The following HNRNPUL1 variants were observed in gnomAD, a reference collection of about 807,000 sequenced individuals.
HNRNPUL1 encodes the protein heterogeneous nuclear ribonucleoprotein U-like protein 1.
A neutral mutation model predicts 108.5 loss-of-function variants in HNRNPUL1; 14 were observed. The observed-to-expected ratio is 0.13, with a 90% CI of 0.09 to 0.20. HNRNPUL1 has a LOEUF of 0.20. Among genes scored for constraint, HNRNPUL1 ranks in the 10% least tolerant of loss-of-function variants. HNRNPUL1 has a pLI of 1.00. For missense variants in HNRNPUL1, 804 were observed against 1,168.3 expected (o/e 0.69, Z 4.55); for synonymous variants, 422 against 445.2 (o/e 0.95, Z 0.66).
At chr19:41,273,745 C>T (rs928471769) in intron 3 of HNRNPUL1, among the ~76,000 whole-genome samples, 3 of 152,124 alleles carry the variant, frequency 2.0e-5, no homozygotes, top group African/African-American at 7.2e-5. Flanking sequence ...GATTCTGATG[C>T]CCCCCTTCAG....
rs1210473646 is a variant in HNRNPUL1, at chr19:41,304,169, C to T, written c.2170C>T (p.Pro724Ser). The change falls in exon 13 of 15, where the codon CCA becomes TCA. Residue 724 changes from proline to serine, a missense_variant. This residue lies in a region of HNRNPUL1 where 294 missense variants were observed against 388.3 expected (regional missense o/e 0.76). Transcript: ENST00000392006. ...CAGCTACAGCCCTGCTCGGAACCCCCCAGGGGCCAGCACCTACAATAAGAA... is the reference window on the plus strand; with the variant it reads ...CAGCTACAGCCCTGCTCGGAACCCCTCAGGGGCCAGCACCTACAATAAGAA... The part of the protein sequence containing the change: ...PPSYSPARNP[P>S]GASTYNKNSN... 5 of 1,614,050 alleles carry T rather than the reference C, an allele frequency of 3.1e-6. No homozygotes were observed. The highest frequency in any genetic ancestry group is 4.2e-6 in the Non-Finnish European group (5 of 1,180,030).
In HNRNPUL1 at chr19:41,292,442, C is replaced by T; in HGVS notation, c.1197C>T (p.Phe399=). The T allele has an allele frequency of 6.2e-7, 1 of 1,614,196 alleles. No homozygotes were observed. ...PYCSVLPGFT[F]IQHLPLSERI... The stretch of plus-strand genomic sequence containing the variant: ...GTTCTGTCCTCCCGGGGTTTACCTT[C>T]ATCCAGCACCTTCCCCTTAGTGAGC... The change falls in exon 8 of 15, where the codon TTC becomes TTT. Residue 399 remains phenylalanine (F), a synonymous_variant. Coordinates refer to ENST00000392006, the MANE Select transcript of HNRNPUL1 (RefSeq NM_007040.6). This position sits in a 1 kb window ranked among gnomAD's most constrained non-coding sequence, Gnocchi z 4.1.
chr19:41,265,424 T>C (rs1006213346), intron 1 of HNRNPUL1: 33 of 1,438,386 alleles, frequency 2.3e-5, no homozygotes, highest in Non-Finnish European at 2.9e-5. Context: ...CTTTGGAGTT[T>C]GGCTAGTGAG....
At chr19:41,269,105 A>G (rs559521873) in intron 2 of HNRNPUL1, among the ~76,000 whole-genome samples, 35 of 151,972 alleles carry the variant, frequency 2.3e-4, no homozygotes, top group Admixed American at 4.6e-4. Context: ...TTGGAAATTC[A>G]CTGTGCTTGT....
At chr19:41,271,948 C>T in intron 2 of HNRNPUL1, 134 bp from the exon 3 acceptor site, 2 of 978,358 alleles carry the variant, frequency 2.0e-6, no homozygotes, top group South Asian at 3.4e-5. Context: ...TTGAACTCAG[C>T]AAGCTGCCTG....
rs1568463162 is a variant in HNRNPUL1 at position 41,305,709 on chromosome 19, G to A, written c.2296G>A (p.Gly766Ser). ...SYSQPPYNQGGYSQGYTAPPP... is the reference protein window; with the variant it reads ...SYSQPPYNQGSYSQGYTAPPP... ...CAGCCAGCCACCCTACAACCAGGGAGGTTACAGCCAGGGCTACACAGCCCC... is the reference window on the plus strand; with the variant it reads ...CAGCCAGCCACCCTACAACCAGGGAAGTTACAGCCAGGGCTACACAGCCCC... The change falls in exon 14 of 15, where the codon GGT (glycine) becomes AGT (serine). Residue 766 changes from glycine to serine, a missense_variant. Physicochemically the swap from Gly to Ser is moderately conservative, Grantham distance 56. Transcript: ENST00000392006. 2 of 1,614,164 alleles carry A rather than the reference G, an allele frequency of 1.2e-6. No homozygotes were observed. Among genetic ancestry groups the A allele is most frequent in the Non-Finnish European group, 1.7e-6 (2 of 1,180,012 alleles).
intron 2 of HNRNPUL1, 125 bp downstream of exon 2, chr19:41,268,470 C>A: frequency 1.0e-6 from 1 of 978,976 alleles, no homozygotes; most frequent in Non-Finnish European, 1.5e-6. Context: ...TTCATCTAAA[C>A]ATTGTCACTC....
At chr19:41,281,391 T>C in intron 7 of HNRNPUL1, 116 bp downstream of exon 7, 1 of 668,338 alleles carries the variant, frequency 1.5e-6, no homozygotes, top group Non-Finnish European at 2.7e-6. Flanking sequence ...GCCATACTTC[T>C]TTGTCTCTGC....
At chr19:41,283,868 C>T (rs1264892783) in intron 7 of HNRNPUL1, among the ~76,000 whole-genome samples, 1 of 152,196 alleles carries the variant, frequency 6.6e-6, no homozygotes, top group Non-Finnish European at 1.5e-5. Context: ...CCTGGGATTA[C>T]AGGTGTGAGC....
At chr19:41,299,789 C>A (rs1401205767) in intron 10 of HNRNPUL1, among the ~76,000 whole-genome samples, 1 of 151,944 alleles carries the variant, frequency 6.6e-6, no homozygotes, top group African/African-American at 2.4e-5. Context: ...ACTGTTCCTG[C>A]TTTTCTGCTT....
At chr19:41,267,876 C>T (rs1372272537) in intron 1 of HNRNPUL1, among the ~76,000 whole-genome samples, 1 of 152,226 alleles carries the variant, frequency 6.6e-6, no homozygotes, top group Non-Finnish European at 1.5e-5. Flanking sequence ...CCATTCTCAT[C>T]ACTGAGTCAT....
At chr19:41,291,851 C>G in intron 7 of HNRNPUL1, 3 of 186,854 alleles carry the variant, frequency 1.6e-5, no homozygotes, top group Admixed American at 5.4e-5. Flanking sequence ...AGGTGTGGAA[C>G]ATGCCTGTAG....
chr19:41,270,461 T>C (rs904993251), intron 2 of HNRNPUL1, among the ~76,000 whole-genome samples: 5 of 150,960 alleles, frequency 3.3e-5, no homozygotes, highest in African/African-American at 1.2e-4. Context: ...CTGGTGTTGC[T>C]GAAAATATTT....
Position 41,272,167 on chromosome 19 carries a change from C to T in HNRNPUL1, c.504C>T (p.Phe168=). The T allele has an allele frequency of 6.2e-7, 1 of 1,614,120 alleles. No individual in the cohort carries two copies. The highest frequency in any genetic ancestry group is 8.5e-7 in the Non-Finnish European group (1 of 1,180,014). Reference sequence around the variant, plus strand: ...AACTCAAGCCAGACAGGCAGCAATTCCAGAGTCGAAAGAGGCCTTATGAAG... The same window carrying T: ...AACTCAAGCCAGACAGGCAGCAATTTCAGAGTCGAAAGAGGCCTTATGAAG... The part of the protein sequence containing the change: ...ASQLKPDRQQ[F]QSRKRPYEEN... The change falls in exon 3 of 15, where the codon TTC becomes TTT. Residue 168 remains phenylalanine (F), a synonymous_variant. Transcript: ENST00000392006.
chr19:41,302,636 T>C (rs761223617), intron 11 of HNRNPUL1, 29 bp from the exon 12 acceptor site: 2 of 1,614,074 alleles, frequency 1.2e-6, no homozygotes, highest in Non-Finnish European at 1.7e-6. Flanking sequence ...CTTCTTCTTG[T>C]TCTCTTTGGG....
chr19:41,306,212 T>C (rs978179611), intron 14 of HNRNPUL1, among the ~76,000 whole-genome samples: 4 of 152,182 alleles, frequency 2.6e-5, no homozygotes, highest in Admixed American at 1.3e-4. Context: ...TTGACTATGA[T>C]ATCTAGCTAT....
chr19:41,291,036 A>C (rs879804542), intron 7 of HNRNPUL1, among the ~76,000 whole-genome samples: 1 of 152,220 alleles, frequency 6.6e-6, no homozygotes, highest in Non-Finnish European at 1.5e-5. Context: ...ACAAGAGTGA[A>C]ATTCCGTCTC....
chr19:41,263,788 G>A (rs939157837), upstream of HNRNPUL1, among the ~76,000 whole-genome samples: 1 of 152,196 alleles, frequency 6.6e-6, no homozygotes, highest in Non-Finnish European at 1.5e-5. Context: ...AGTGAGCTAA[G>A]ACAATAACTG....
chr19:41,301,546 A>G lies in HNRNPUL1; in HGVS notation c.1529A>G (p.Tyr510Cys). 1 of 1,611,364 alleles carries G rather than the reference A, an allele frequency of 6.2e-7. No homozygotes were observed. Among genetic ancestry groups the G allele is most frequent in the Non-Finnish European group, 8.5e-7 (1 of 1,179,132 alleles). Residue 510 changes from tyrosine to cysteine, a missense_variant, in exon 11 of 15, where the codon TAT (tyrosine) becomes TGT (cysteine). Transcript: ENST00000392006. Reference protein sequence around the residue: ...RNYILDQTNVYGSAQRRKMRP... With the variant: ...RNYILDQTNVCGSAQRRKMRP... ...TTACCTTACCCTTAGACAAATGTTTATGGGTCAGCCCAGAGACGAAAAATG... is the reference window on the plus strand; with the variant it reads ...TTACCTTACCCTTAGACAAATGTTTGTGGGTCAGCCCAGAGACGAAAAATG...
Sources: allele counts gnomAD v4.1 joint callset (sites outside exome capture counted in the v4.1 genomes callset), GRCh38; gene constraint gnomAD v4.1.1; regional missense constraint gnomAD v4.1.1; non-coding constraint Gnocchi (gnomAD v3.1); transcripts MANE v1.5; gene names NCBI Gene and HGNC (gene_info 2026-07-23, HGNC 2026-07-21).